Variants in POLR3B observed in about 807,000 individuals in gnomAD.
POLR3B encodes the protein RNA polymerase III subunit B, also known as DNA-directed RNA polymerase III subunit RPC2.
A neutral mutation model predicts 147.4 loss-of-function variants in POLR3B; 96 were observed. The ratio of observed to expected loss-of-function variants is 0.65; its 90% CI spans 0.55 to 0.77. The LOEUF (loss-of-function observed/expected upper bound fraction) is 0.77, where lower values mean the gene tolerates loss of function less well. Among genes scored for constraint, POLR3B ranks in the 30% least tolerant of loss-of-function variants. The probability of loss-of-function intolerance (pLI) is 0.00; values close to 1 mark genes in which losing one functional copy is unlikely to be tolerated. For missense variants in POLR3B, 1,036 were observed against 1,413.5 expected, an observed-to-expected ratio of 0.73 and a Z score of 4.28; for synonymous variants, 461 against 485.9, an observed-to-expected ratio of 0.95 and a Z score of 0.67.
Position 106,359,848 on chromosome 12 carries a change from C to T in POLR3B, c.72+1897C>T, listed in dbSNP as rs370287878. Among the ~76,000 whole-genome samples, 4 of 152,192 alleles carry T rather than the reference C, an allele frequency of 2.6e-5. No individual in the cohort carries two copies. The East Asian group carries it at 7.7e-4, about 29-fold the overall frequency. ...GGTAGTGGCTAATCTGGAATTTGGA[C>T]TCTTGTCAGTCTGACTCGAGTCTTC... is the stretch of plus-strand genomic sequence containing the variant. On this transcript the variant is annotated intron_variant, in intron 1 of 27. Coordinates refer to ENST00000228347, the MANE Select transcript of POLR3B (RefSeq NM_018082.6).
chr12:106,358,172 GGGC>G, intron 1 of POLR3B: 1 of 1,437,576 alleles, frequency 7.0e-7, no homozygotes, highest in Non-Finnish European at 9.1e-7. Context: ...GCCGCTGCGG[GGGC>G]CGAGAAGCCC....
At chr12:106,480,019 T>G (rs1429247959) in intron 23 of POLR3B, among the ~76,000 whole-genome samples, 5 of 150,788 alleles carry the variant, frequency 3.3e-5, no homozygotes, top group Admixed American at 6.6e-5. Context: ...TTGGCTTTTT[T>G]TATTATTATT....
chr12:106,488,491 A>G (rs974275964), intron 23 of POLR3B, among the ~76,000 whole-genome samples: 16 of 152,176 alleles, frequency 1.1e-4, no homozygotes, highest in Admixed American at 6.5e-4. Flanking sequence ...TGAAGTCTTG[A>G]GCTCATTTCC....
At chr12:106,401,533 C>T (rs1026845061) in intron 10 of POLR3B, among the ~76,000 whole-genome samples, 5 of 152,182 alleles carry the variant, frequency 3.3e-5, no homozygotes, top group Admixed American at 1.3e-4. Flanking sequence ...AGACCAATAT[C>T]CTTGATGAAC....
At chr12:106,373,429 G>T (rs1266130280) in intron 6 of POLR3B, among the ~76,000 whole-genome samples, 1 of 151,706 alleles carries the variant, frequency 6.6e-6, no homozygotes, top group Non-Finnish European at 1.5e-5. Context: ...TATATTTCTG[G>T]CATATCATTA....
intron 23 of POLR3B, among the ~76,000 whole-genome samples, chr12:106,491,843 A>G (rs1459267775): frequency 2.6e-5 from 4 of 152,150 alleles, no homozygotes; most frequent in African/African-American, 9.7e-5. Flanking sequence ...CTCTTTCCTC[A>G]CTCAGAAAAG....
intron 1 of POLR3B, among the ~76,000 whole-genome samples, chr12:106,363,321 T>C (rs962625883): frequency 2.0e-5 from 3 of 152,204 alleles, no homozygotes; most frequent in Non-Finnish European, 4.4e-5. Flanking sequence ...ACCAAATTTC[T>C]AGTAGCCCCT....
intron 9 of POLR3B, among the ~76,000 whole-genome samples, chr12:106,391,198 G>A (rs1197606124): frequency 2.0e-5 from 3 of 152,112 alleles, no homozygotes; most frequent in Non-Finnish European, 4.4e-5. Flanking sequence ...TTGGTAAGAG[G>A]ACATAGTTTC....
Position 106,501,245 on chromosome 12 carries a change from C to T in POLR3B, c.2985-78C>T. On this transcript the variant is annotated intron_variant, in intron 25 of 27. Coordinates refer to ENST00000228347, the MANE Select transcript of POLR3B (RefSeq NM_018082.6). ...TCAGTCATAAATGAGTAAGGACCTGCCAGTGATGGGTCCAAAGGCTGTCTC... is the reference window on the plus strand; with the variant it reads ...TCAGTCATAAATGAGTAAGGACCTGTCAGTGATGGGTCCAAAGGCTGTCTC... The T allele has an allele frequency of 3.6e-6, 3 of 841,710 alleles. 1 individual carries two copies. Among genetic ancestry groups the T allele is most frequent in the African/African-American group, 3.3e-5 (2 of 60,498 alleles). The allele number at this position is 841,710 out of a possible 1,614,324, so 52.1% of individuals were successfully genotyped here. A position where few individuals can be genotyped will look rare whatever the true frequency, so the allele number is the denominator to read the frequency against.
At chr12:106,479,145 TTTTCTTATATTTATTTAG>T in intron 23 of POLR3B, among the ~76,000 whole-genome samples, 1 of 152,176 alleles carries the variant, frequency 6.6e-6, no homozygotes, top group South Asian at 2.1e-4. Flanking sequence ...TTCTAGGACA[TTTTCTTATATTTATTTAG>T]TTAATAATTT....
intron 6 of POLR3B, among the ~76,000 whole-genome samples, chr12:106,373,713 C>A (rs191163784): frequency 5.2e-4 from 79 of 151,832 alleles, no homozygotes; most frequent in African/African-American, 1.8e-3. Flanking sequence ...GAGATTGTGC[C>A]ACTGTACTCC....
intron 16 of POLR3B, 114 bp from the exon 17 acceptor site, chr12:106,436,943 A>G (rs1017167631): frequency 8.7e-6 from 7 of 803,226 alleles, no homozygotes; most frequent in Admixed American, 4.0e-5. Flanking sequence ...TCAGCAATCC[A>G]GGAATAGGTT....
intron 11 of POLR3B, among the ~76,000 whole-genome samples, chr12:106,409,564 T>C (rs965401264): frequency 6.6e-6 from 1 of 151,728 alleles, no homozygotes; most frequent in Admixed American, 6.6e-5. Flanking sequence ...AAAACTTCCT[T>C]TGAAGGAAAA....
At chr12:106,494,073 A>T (rs1393394251) in intron 23 of POLR3B, among the ~76,000 whole-genome samples, 3 of 152,202 alleles carry the variant, frequency 2.0e-5, no homozygotes, top group African/African-American at 7.2e-5. Context: ...CTTCCCCAGA[A>T]GGAAGCTCTG....
intron 1 of POLR3B, among the ~76,000 whole-genome samples, chr12:106,361,645 G>A (rs536856769): frequency 6.6e-6 from 1 of 152,262 alleles, no homozygotes; most frequent in African/African-American, 2.4e-5. Flanking sequence ...TTTGGAACTG[G>A]GGGGCTGTGG....
chr12:106,384,277 A>G (rs2136906727), intron 9 of POLR3B, among the ~76,000 whole-genome samples: 1 of 152,366 alleles, frequency 6.6e-6, no homozygotes, highest in East Asian at 1.9e-4. Flanking sequence ...TAAGATGTAA[A>G]TACTATACAC....
At chr12:106,388,156 A>C (rs1451648437) in intron 9 of POLR3B, among the ~76,000 whole-genome samples, 1 of 152,132 alleles carries the variant, frequency 6.6e-6, no homozygotes, top group Non-Finnish European at 1.5e-5. Context: ...GGATCACTAC[A>C]AAGGTTCTCC....
chr12:106,437,203 C>T, intron 17 of POLR3B, 72 bp downstream of exon 17: 1 of 1,071,378 alleles, frequency 9.3e-7, no homozygotes. Flanking sequence ...AGTGTATTTT[C>T]ATTTTAGTGT....
In POLR3B at chr12:106,441,661, A is replaced by G. The variant is rs540352850; in HGVS notation, c.1956-2802A>G. On this transcript the variant is annotated intron_variant, in intron 18 of 27. Coordinates refer to ENST00000228347, the MANE Select transcript of POLR3B (RefSeq NM_018082.6). Reference sequence around the variant, plus strand: ...TTGTTATTACATTATCTACCTACACACATTTAGTTTATTAACTAGTTTCCT... The same window carrying G: ...TTGTTATTACATTATCTACCTACACGCATTTAGTTTATTAACTAGTTTCCT... Among the ~76,000 whole-genome samples, 8 of 152,316 alleles carry G rather than the reference A, an allele frequency of 5.3e-5. No homozygotes were observed. The East Asian group carries it at 1.5e-3, about 29-fold the overall frequency.
Sources: allele counts gnomAD v4.1 joint callset (sites outside exome capture counted in the v4.1 genomes callset), GRCh38; gene constraint gnomAD v4.1.1; transcripts MANE v1.5; gene names NCBI Gene and HGNC (gene_info 2026-07-23, HGNC 2026-07-21).